ERICH3: variants seen among roughly 807,000 people sequenced by gnomAD.
ERICH3 encodes the protein glutamate rich 3.
ERICH3 carries 126 observed loss-of-function variants against 131.1 expected under a neutral mutation model. The ratio of observed to expected loss-of-function variants is 0.96; its 90% CI spans 0.83 to 1.11. The LOEUF (loss-of-function observed/expected upper bound fraction) is 1.11. Among genes scored for constraint, ERICH3 ranks in the 50% most tolerant of loss-of-function variants. ERICH3 has a pLI of 0.00. For missense variants in ERICH3, 2,050 were observed against 1,810.7 expected (o/e 1.13, Z -2.40); for synonymous variants, 695 against 644.6 (o/e 1.08, Z -1.18).
chr1:74,596,668 T>G (rs1369714490), intron 11 of ERICH3, among the ~76,000 whole-genome samples: 1 of 152,092 alleles, frequency 6.6e-6, no homozygotes, highest in Non-Finnish European at 1.5e-5. Flanking sequence ...CTCAGTGACA[T>G]GATACTTTTC....
chr1:74,585,288 C>T (rs952156590), intron 12 of ERICH3, among the ~76,000 whole-genome samples: 1 of 152,128 alleles, frequency 6.6e-6, no homozygotes, highest in South Asian at 2.1e-4. Context: ...CACCCAAGAA[C>T]ACTGTCTGAT....
rs546482183 is a variant in ERICH3 at position 74,650,870 on chromosome 1, A to G, written c.24-1555T>C. Among the ~76,000 whole-genome samples, 33 of 143,218 alleles carry G rather than the reference A, an allele frequency of 2.3e-4. No individual in the cohort carries two copies. In the East Asian group the frequency reaches 6.2e-3, roughly 27 times the overall value. The allele number at this position is 143,218 out of a possible 152,430, so 94.0% of individuals were successfully genotyped here. A position where few individuals can be genotyped will look rare whatever the true frequency, so the allele number is the denominator to read the frequency against. On this transcript the variant is annotated intron_variant, in intron 1 of 14. Coordinates refer to ENST00000326665, the MANE Select transcript of ERICH3 (RefSeq NM_001002912.5). ...TGTGTGTGTGTGTGTGTGTGTGTGT[A>G]TACTTATATACACATAGAAAGAGAG...
chr1:74,644,159 G>A (rs1222171677), intron 3 of ERICH3, among the ~76,000 whole-genome samples: 1 of 151,948 alleles, frequency 6.6e-6, no homozygotes, highest in Non-Finnish European at 1.5e-5. Context: ...CCCTCCTGCT[G>A]CCTTAGGAAC....
intron 1 of ERICH3, among the ~76,000 whole-genome samples, chr1:74,667,273 C>T (rs1183555269): frequency 6.6e-6 from 1 of 151,980 alleles, no homozygotes; most frequent in Non-Finnish European, 1.5e-5. Flanking sequence ...ACTTACAAAC[C>T]AATATGAATG....
intron 1 of ERICH3, among the ~76,000 whole-genome samples, chr1:74,667,510 A>T (rs1361451173): frequency 3.9e-5 from 6 of 152,214 alleles, no homozygotes; most frequent in Non-Finnish European, 8.8e-5. Context: ...AGATTATTTC[A>T]GTACTACCTT....
At chr1:74,623,767 ATC>A (rs1389943825) in intron 7 of ERICH3, 1 of 152,146 alleles carries the variant, frequency 6.6e-6, no homozygotes, top group Non-Finnish European at 1.5e-5. Flanking sequence ...GATTCCCATT[ATC>A]CATGGGATAA....
At chr1:74,660,341 T>C (rs1646628844) in intron 1 of ERICH3, among the ~76,000 whole-genome samples, 1 of 151,924 alleles carries the variant, frequency 6.6e-6, no homozygotes, top group African/African-American at 2.4e-5. Context: ...TAACATAAAA[T>C]TAATATAATA....
In ERICH3 at chr1:74,646,714, G is replaced by A. The variant is rs372867745; in HGVS notation, c.196C>T (p.Arg66Trp). The A allele has an allele frequency of 4.2e-5, 62 of 1,486,336 alleles. No individual in the cohort carries two copies. Among genetic ancestry groups the A allele is most frequent in the South Asian group, 3.7e-4 (29 of 77,608 alleles). 92.1% of individuals were successfully genotyped at this position (1,486,336 alleles called of 1,614,324 possible). A position where few individuals can be genotyped will look rare whatever the true frequency, so the allele number is the denominator to read the frequency against. ...AAAATTGCCTGGGCTAAGCATTCCC[G>A]GATATATTTTTGATGATCCCGCTTC... The part of the protein sequence containing the change: ...MMKRDHQKYI[R>W]ECLAQAIFHK... Residue 66 changes from arginine to tryptophan, a missense_variant, in exon 3 of 15, where the codon CGG becomes TGG. Arg to Trp is a moderately radical substitution (Grantham distance 101). Transcript: ENST00000326665.
At chr1:74,625,702 T>G (rs1360503853) in intron 7 of ERICH3, 1 of 152,180 alleles carries the variant, frequency 6.6e-6, no homozygotes, top group African/African-American at 2.4e-5. Flanking sequence ...AGCATATCAT[T>G]TGCCATTATC....
intron 13 of ERICH3, among the ~76,000 whole-genome samples, chr1:74,575,163 C>G (rs950298327): frequency 2.0e-5 from 3 of 152,310 alleles, no homozygotes; most frequent in African/African-American, 7.2e-5. Context: ...CCAAGACTGT[C>G]TTACCATTTC....
At chr1:74,628,782 A>T (rs1649498942) in intron 7 of ERICH3, among the ~76,000 whole-genome samples, 1 of 152,126 alleles carries the variant, frequency 6.6e-6, no homozygotes, top group Admixed American at 6.6e-5. Context: ...AATATGACAA[A>T]AAGGATCTCC....
At chr1:74,605,850 G>GA (rs1169240903) in intron 10 of ERICH3, among the ~76,000 whole-genome samples, 1 of 151,804 alleles carries the variant, frequency 6.6e-6, no homozygotes, top group African/African-American at 2.4e-5. Flanking sequence ...CATGCTGTTG[G>GA]AAAAATGATG....
chr1:74,648,921 C>T (rs1646508378), intron 2 of ERICH3, among the ~76,000 whole-genome samples: 2 of 152,080 alleles, frequency 1.3e-5, no homozygotes, highest in South Asian at 2.1e-4. Context: ...GTTTCTACCT[C>T]ATACAATGTG....
chr1:74,616,212 G>A (rs1648957509), intron 8 of ERICH3, among the ~76,000 whole-genome samples: 1 of 151,950 alleles, frequency 6.6e-6, no homozygotes, highest in Non-Finnish European at 1.5e-5. Context: ...TAGAGACGGG[G>A]TTTCGCCTTG....
At chr1:74,667,912 C>G (rs1413806839) in intron 1 of ERICH3, among the ~76,000 whole-genome samples, 1 of 152,040 alleles carries the variant, frequency 6.6e-6, no homozygotes, top group East Asian at 1.9e-4. Flanking sequence ...AGCACTTTCC[C>G]CCACGCTGTT....
intron 8 of ERICH3, among the ~76,000 whole-genome samples, chr1:74,617,328 C>T (rs1649015199): frequency 1.3e-5 from 2 of 152,198 alleles, no homozygotes; most frequent in South Asian, 4.1e-4. Flanking sequence ...GAAAATATGA[C>T]ATATACCTAG....
intron 5 of ERICH3, among the ~76,000 whole-genome samples, chr1:74,640,099 C>T (rs1289694611): frequency 1.3e-5 from 2 of 152,128 alleles, no homozygotes; most frequent in Non-Finnish European, 2.9e-5. Flanking sequence ...TCACTCCTAC[C>T]ACATTAAGAT....
At chr1:74,650,734 T>C (rs1307026395) in intron 1 of ERICH3, among the ~76,000 whole-genome samples, 1 of 152,092 alleles carries the variant, frequency 6.6e-6, no homozygotes, top group Middle Eastern at 3.2e-3. Flanking sequence ...AACTTATACG[T>C]TGTTTATTTC....
intron 4 of ERICH3, among the ~76,000 whole-genome samples, chr1:74,642,353 T>C (rs1646444705): frequency 6.6e-6 from 1 of 152,128 alleles, no homozygotes; most frequent in African/African-American, 2.4e-5. Flanking sequence ...CACACATTTG[T>C]AATACTACAG....
Sources: allele counts gnomAD v4.1 joint callset (sites outside exome capture counted in the v4.1 genomes callset), GRCh38; gene constraint gnomAD v4.1.1; transcripts MANE v1.5; gene names NCBI Gene and HGNC (gene_info 2026-07-23, HGNC 2026-07-21).